TTLL5: variants seen among roughly 807,000 people sequenced by gnomAD.
TTLL5 encodes tubulin tyrosine ligase like 5.
Under a neutral mutation model 168.4 loss-of-function variants are expected in TTLL5, and 132 were observed. That is an observed-to-expected ratio of 0.78 (90% confidence interval 0.68 to 0.91). The LOEUF is 0.91. TTLL5 is among the 40% of genes least tolerant of loss of function. TTLL5 has a pLI of 0.00. For synonymous variants in TTLL5, 546 were observed against 558.6 expected, an observed-to-expected ratio of 0.98 and a Z score of 0.32; for missense variants, 1,545 against 1,581.5, an observed-to-expected ratio of 0.98 and a Z score of 0.39.
At chr14:75,850,278 T>C (rs965905351) in intron 28 of TTLL5, among the ~76,000 whole-genome samples, 1 of 151,638 alleles carries the variant, frequency 6.6e-6, no homozygotes, top group Non-Finnish European at 1.5e-5. Context: ...TGGTGGCACA[T>C]GCCTGTAATC....
At chr14:75,740,057 G>T (rs1382633254) in intron 15 of TTLL5, among the ~76,000 whole-genome samples, 1 of 152,046 alleles carries the variant, frequency 6.6e-6, no homozygotes, top group Non-Finnish European at 1.5e-5. Flanking sequence ...TATTTATCTT[G>T]CAGTTACACT....
intron 3 of TTLL5, among the ~76,000 whole-genome samples, chr14:75,670,942 A>G (rs1428528160): frequency 1.3e-5 from 2 of 152,064 alleles, no homozygotes; most frequent in African/African-American, 4.8e-5. Flanking sequence ...TTTGTTGCTT[A>G]TATTCTTTGT....
chr14:75,852,030 T>C (rs185298915), intron 28 of TTLL5, among the ~76,000 whole-genome samples: 2 of 152,370 alleles, frequency 1.3e-5, no homozygotes, highest in Non-Finnish European at 2.9e-5. Flanking sequence ...ATGTAATTTT[T>C]AGACCAACCC....
rs1892838843 is a variant in TTLL5 at position 75,793,588 on chromosome 14, C to T, written c.3171+488C>T. On this transcript the variant is annotated intron_variant, in intron 27 of 31. Coordinates refer to ENST00000298832, the MANE Select transcript of TTLL5 (RefSeq NM_015072.5). ...CCCTTATCCAATATAATATCATTCT[C>T]CCCATTTTACAGATGGGGGAACCTG... Among the ~76,000 whole-genome samples, 3 of 152,152 alleles carry T rather than the reference C, an allele frequency of 2.0e-5. 1 individual carries two copies. Among genetic ancestry groups the T allele is most frequent in the Admixed American group, 2.0e-4 (3 of 15,276 alleles).
intron 28 of TTLL5, among the ~76,000 whole-genome samples, chr14:75,853,673 GATAAGTGAA>G (rs1005162105): frequency 7.0e-4 from 107 of 152,332 alleles, no homozygotes; most frequent in African/African-American, 2.3e-3. Flanking sequence ...TTTAATGAAA[GATAAGTGAA>G]AATGCTGTAA....
At chr14:75,801,056 T>C (rs902538345) in intron 27 of TTLL5, among the ~76,000 whole-genome samples, 33 of 152,108 alleles carry the variant, frequency 2.2e-4, no homozygotes, top group Middle Eastern at 3.2e-3. Context: ...TATTTGAGTG[T>C]CTCAGGTGGT....
intron 12 of TTLL5, among the ~76,000 whole-genome samples, chr14:75,727,193 T>C (rs959365216): frequency 6.6e-6 from 1 of 152,218 alleles, no homozygotes; most frequent in Non-Finnish European, 1.5e-5. Context: ...ATAGGTATTT[T>C]CCCAGAAGAA....
chr14:75,670,240 T>C (rs1023723326), intron 3 of TTLL5, among the ~76,000 whole-genome samples: 1 of 152,188 alleles, frequency 6.6e-6, no homozygotes, highest in East Asian at 1.9e-4. Flanking sequence ...AAAATTTATT[T>C]ATTTTTTAGA....
At chr14:75,856,899 C>T (rs1226829177) in intron 28 of TTLL5, among the ~76,000 whole-genome samples, 1 of 152,156 alleles carries the variant, frequency 6.6e-6, no homozygotes, top group Non-Finnish European at 1.5e-5. Context: ...GCTGGGATTA[C>T]AGGCGTGAGT....
chr14:75,878,990 TA>T (rs61124448), intron 29 of TTLL5, among the ~76,000 whole-genome samples: 134,249 of 152,216 alleles, frequency 0.88, 59,302 homozygotes, highest in South Asian at 0.92. Flanking sequence ...TAGTTTTTGC[TA>T]AAAAAAAGAT....
At chr14:75,676,625 G>A (rs1400944763) in intron 3 of TTLL5, among the ~76,000 whole-genome samples, 1 of 152,148 alleles carries the variant, frequency 6.6e-6, no homozygotes, top group African/African-American at 2.4e-5. Flanking sequence ...TTGGGTTATA[G>A]TTAGGTGATA....
In TTLL5 at chr14:75,771,714, GT is replaced by G. The variant is rs1566596872; in HGVS notation, c.2016-18del. On this transcript the variant is annotated intron_variant, in intron 20 of 31. Transcript: ENST00000298832. The stretch of plus-strand genomic sequence containing the variant: ...TTACACTTCTGTCACATAACGGTAT[GT>G]TGTTTTGGATTTCTATAGCAAAATG... 1 of 1,613,064 alleles carries G rather than the reference GT, an allele frequency of 6.2e-7. No individual in the cohort carries two copies.
intron 7 of TTLL5, among the ~76,000 whole-genome samples, chr14:75,704,916 C>A (rs527630302): frequency 1.3e-5 from 2 of 152,044 alleles, no homozygotes; most frequent in Non-Finnish European, 2.9e-5. Flanking sequence ...TGGGCATGGG[C>A]GTTAGATGTG....
chr14:75,933,047 ATCT>A (rs1168418604), intron 31 of TTLL5, among the ~76,000 whole-genome samples: 1 of 152,214 alleles, frequency 6.6e-6, no homozygotes, highest in Non-Finnish European at 1.5e-5. Flanking sequence ...AGTAGCCCCA[ATCT>A]TCTTTGCCCA....
intron 17 of TTLL5, among the ~76,000 whole-genome samples, chr14:75,750,773 AATTT>A (rs1889903129): frequency 6.6e-6 from 1 of 151,912 alleles, no homozygotes; most frequent in South Asian, 2.1e-4. Context: ...GATAAAGTTA[AATTT>A]ATTAATTAGG....
At chr14:75,954,106 G>C (rs549787175) in intron 31 of TTLL5, among the ~76,000 whole-genome samples, 1 of 151,872 alleles carries the variant, frequency 6.6e-6, no homozygotes, top group Non-Finnish European at 1.5e-5. Context: ...AAAATTAGCC[G>C]GGTATGGTGG....
chr14:75,861,686 G>C (rs1359173147), intron 28 of TTLL5, among the ~76,000 whole-genome samples: 1 of 152,090 alleles, frequency 6.6e-6, no homozygotes, highest in Non-Finnish European at 1.5e-5. Flanking sequence ...AAAGTCTTAT[G>C]TTTCTTCTAT....
chr14:75,940,036 A>G (rs1374596546), intron 31 of TTLL5, among the ~76,000 whole-genome samples: 1 of 150,086 alleles, frequency 6.7e-6, no homozygotes, highest in Non-Finnish European at 1.5e-5. Flanking sequence ...GTTTTACTCT[A>G]CCACTCTTCA....
chr14:75,904,433 C>T (rs567878314), intron 31 of TTLL5, among the ~76,000 whole-genome samples: 3 of 152,238 alleles, frequency 2.0e-5, no homozygotes. Context: ...CCTGACTATA[C>T]TTCATTTGCG....
Sources: gnomAD v4.1 joint callset for allele counts (sites outside exome capture counted in the v4.1 genomes callset) on GRCh38, gnomAD v4.1.1 for gene constraint, MANE v1.5 for transcripts, NCBI Gene and HGNC (gene_info 2026-07-23, HGNC 2026-07-21) for gene names.